The following GPR65 variants were observed in gnomAD, a reference collection of about 807,000 sequenced individuals.
The protein encoded by GPR65 is T-cell death-associated gene 8 protein.
A neutral mutation model predicts 0.7 loss-of-function variants in GPR65; 2 were observed. The ratio of observed to expected loss-of-function variants is 2.83; its 90% CI spans 1.16 to 8.92. GPR65 has a LOEUF of 8.92. Ranked by LOEUF, GPR65 falls within the 30% of genes most tolerant of loss-of-function variation. The pLI is 0.04. For missense variants in GPR65, 379 were observed against 399.4 expected, an observed-to-expected ratio of 0.95 and a Z score of 0.43; for synonymous variants, 128 against 146.5, an observed-to-expected ratio of 0.87 and a Z score of 0.91.
Position 88,013,954 on chromosome 14 carries a change from G to A in GPR65, c.*2093G>A, listed in dbSNP as rs1887727476. 2 of 152,118 alleles carry A rather than the reference G, an allele frequency of 1.3e-5. No individual in the cohort carries two copies. Among genetic ancestry groups the A allele is most frequent in the African/African-American group, 2.4e-5 (1 of 41,390 alleles). The allele number at this position is 152,118 out of a possible 1,614,324, so 9.4% of individuals were successfully genotyped here. On this transcript the variant is annotated 3_prime_UTR_variant, in exon 2 of 2. Coordinates refer to ENST00000267549, the MANE Select transcript of GPR65 (RefSeq NM_003608.4). Reference sequence around the variant, plus strand: ...ACTAGGTGACGATCGTGTTCTGTACGGGACCTCTTATTAATAGTTCACCAC... The same window carrying A: ...ACTAGGTGACGATCGTGTTCTGTACAGGACCTCTTATTAATAGTTCACCAC...
At chr14:88,010,060 CAAAT>C (rs1567029755) in intron 1 of GPR65, among the ~76,000 whole-genome samples, 1 of 152,156 alleles carries the variant, frequency 6.6e-6, no homozygotes. Context: ...CAATCACAGA[CAAAT>C]AACAGAATTT....
At chr14:88,008,149 A>G (rs1248326258) in intron 1 of GPR65, among the ~76,000 whole-genome samples, 1 of 152,050 alleles carries the variant, frequency 6.6e-6, no homozygotes, top group Non-Finnish European at 1.5e-5. Context: ...TTTTGATTCC[A>G]CTTTTTAATG....
In GPR65 at chr14:88,012,588, T is replaced by C. The variant is rs1306814452; in HGVS notation, c.*727T>C. The C allele has an allele frequency of 1.3e-5, 2 of 152,244 alleles. No individual in the cohort carries two copies. The highest frequency in any genetic ancestry group is 3.8e-4 in the East Asian group (2 of 5,204). 9.4% of individuals were successfully genotyped at this position (152,244 alleles called of 1,614,324 possible). A position where few individuals can be genotyped will look rare whatever the true frequency, so the allele number is the denominator to read the frequency against. On this transcript the variant is annotated 3_prime_UTR_variant, in exon 2 of 2. Transcript: ENST00000267549. ...TGAACATTTCATATAAATAGAATTA[T>C]ACAATATGTGGCCTACTGTGACGTA...
chr14:88,007,148 C>A (rs144622364), intron 1 of GPR65, among the ~76,000 whole-genome samples: 42 of 152,196 alleles, frequency 2.8e-4, no homozygotes, highest in Non-Finnish European at 5.1e-4. Context: ...TGGTGAACTG[C>A]AATTTTATTG....
Position 88,012,557 on chromosome 14 carries a change from T to C in GPR65, c.*696T>C, listed in dbSNP as rs1054850111. The C allele has an allele frequency of 6.6e-6, 1 of 152,240 alleles. No individual in the cohort carries two copies. The highest frequency in any genetic ancestry group is 1.5e-5 in the Non-Finnish European group (1 of 68,050). 9.4% of individuals were successfully genotyped at this position (152,240 alleles called of 1,614,324 possible). A position where few individuals can be genotyped will look rare whatever the true frequency, so the allele number is the denominator to read the frequency against. On this transcript the variant is annotated 3_prime_UTR_variant, in exon 2 of 2. Coordinates refer to ENST00000267549, the MANE Select transcript of GPR65 (RefSeq NM_003608.4). ...TACTTTCTGTCTCTAAGGATTTTCATTACTCTGAACATTTCATATAAATAG... is the reference window on the plus strand; with the variant it reads ...TACTTTCTGTCTCTAAGGATTTTCACTACTCTGAACATTTCATATAAATAG...
Position 88,011,078 on chromosome 14 carries a change from A to C in GPR65, c.231A>C (p.Lys77Asn). 1 of 1,613,874 alleles carries C rather than the reference A, an allele frequency of 6.2e-7. No homozygotes were observed. Among genetic ancestry groups the C allele is most frequent in the Non-Finnish European group, 8.5e-7 (1 of 1,179,762 alleles). ...LPLWIDYTWN[K>N]DNWTFSPALC... Reference sequence around the variant, plus strand: ...TATGGATTGATTATACCTGGAATAAAGACAACTGGACTTTCTCTCCTGCCT... The same window carrying C: ...TATGGATTGATTATACCTGGAATAACGACAACTGGACTTTCTCTCCTGCCT... Residue 77 changes from lysine to asparagine, a missense_variant, in exon 2 of 2, where the codon AAA (lysine) becomes AAC (asparagine). Coordinates refer to ENST00000267549, the MANE Select transcript of GPR65 (RefSeq NM_003608.4).
chr14:88,010,744 T>G lies in GPR65; in HGVS notation c.-104T>G, dbSNP rs1595254954. ...CAACAAAGAAAAATTGAAAAAGAATTCTCAGTAAAAGCGAATTCGATGTTC... is the reference window on the plus strand; with the variant it reads ...CAACAAAGAAAAATTGAAAAAGAATGCTCAGTAAAAGCGAATTCGATGTTC... On this transcript the variant is annotated 5_prime_UTR_variant, in exon 2 of 2. The change creates a new upstream start codon in the 5' untranslated region. Transcript: ENST00000267549. The G allele has an allele frequency of 2.7e-6, 2 of 731,154 alleles. No individual in the cohort carries two copies. The highest frequency in any genetic ancestry group is 2.6e-5 in the East Asian group (1 of 38,680). The allele number at this position is 731,154 out of a possible 1,614,324, so 45.3% of individuals were successfully genotyped here. A position where few individuals can be genotyped will look rare whatever the true frequency, so the allele number is the denominator to read the frequency against.
chr14:88,011,196 G>T lies in GPR65; in HGVS notation c.349G>T (p.Val117Phe). 1 of 1,613,804 alleles carries T rather than the reference G, an allele frequency of 6.2e-7. No homozygotes were observed. The highest frequency in any genetic ancestry group is 2.2e-5 in the East Asian group (1 of 44,880). ...TGCCGTTGATCGGTATTTGGCTGTT[G>T]TCTACCCTTTGAAGTTTTTTTTCCT... ...CIAVDRYLAV[V>F]YPLKFFFLRT... Residue 117 changes from valine to phenylalanine, a missense_variant, in exon 2 of 2, where the codon GTC becomes TTC. By Grantham distance (50) the Val-to-Phe change is conservative. Transcript: ENST00000267549.
At position 88,011,954 on chromosome 14, in the gene GPR65, G is replaced by T; in HGVS notation, c.*93G>T. The T allele has an allele frequency of 1.1e-6, 1 of 881,992 alleles. No homozygotes were observed. The highest frequency in any genetic ancestry group is 1.8e-6 in the Non-Finnish European group (1 of 565,196). The allele number at this position is 881,992 out of a possible 1,614,324, so 54.6% of individuals were successfully genotyped here. ...TGAAAAGGAAATCTAGCATGTGAGG[G>T]GACTAAGTGTTCTCAGAGTGATGTT... is the stretch of plus-strand genomic sequence containing the variant. On this transcript the variant is annotated 3_prime_UTR_variant, in exon 2 of 2. Coordinates refer to ENST00000267549, the MANE Select transcript of GPR65 (RefSeq NM_003608.4).
chr14:88,011,755 ATATAT>A lies in GPR65; in HGVS notation c.911_915del (p.Ile304LysfsTer8), dbSNP rs775161260. On this transcript the variant is annotated frameshift_variant, in exon 2 of 2. Coordinates refer to ENST00000267549, the MANE Select transcript of GPR65 (RefSeq NM_003608.4). LOFTEE classifies it low-confidence loss of function (END_TRUNC). Reference sequence around the variant, plus strand: ...GAAACAGGAAGATATGATATGTGGAATATATTAAAATTCTGCACTGGGAGGTGTAA... The same window carrying A: ...GAAACAGGAAGATATGATATGTGGAATAAAATTCTGCACTGGGAGGTGTAA... The A allele has an allele frequency of 6.2e-7, 1 of 1,612,404 alleles. No individual in the cohort carries two copies. Among genetic ancestry groups the A allele is most frequent in the East Asian group, 2.2e-5 (1 of 44,882 alleles).
At chr14:88,009,562 A>G (rs1887643224) in intron 1 of GPR65, among the ~76,000 whole-genome samples, 1 of 152,104 alleles carries the variant, frequency 6.6e-6, no homozygotes, top group Non-Finnish European at 1.5e-5. Context: ...CTGTGAAGGT[A>G]TTCACCATGT....
intron 1 of GPR65, among the ~76,000 whole-genome samples, chr14:88,007,996 T>C (rs1887620670): frequency 6.6e-6 from 1 of 152,162 alleles, no homozygotes; most frequent in Non-Finnish European, 1.5e-5. Flanking sequence ...AGGTAAATTA[T>C]TTATTTATTG....
chr14:88,007,681 G>GTT (rs1247303151), intron 1 of GPR65, among the ~76,000 whole-genome samples: 1 of 149,048 alleles, frequency 6.7e-6, no homozygotes, highest in Admixed American at 6.7e-5. Context: ...CATATTTTGT[G>GTT]TTTTTTATAT....
In GPR65 at chr14:88,011,148, A is replaced by G. The variant is rs780853135; in HGVS notation, c.301A>G (p.Ser101Gly). The change falls in exon 2 of 2, where the codon AGC becomes GGC. Residue 101 changes from serine (S) to glycine (G), a missense_variant. Ser to Gly is a moderately conservative substitution (Grantham distance 56). Coordinates refer to ENST00000267549, the MANE Select transcript of GPR65 (RefSeq NM_003608.4). ...TCTCATGTACATGAATTTTTACAGC[A>G]GCACAGCATTCCTCACCTGCATTGC... ...AFLMYMNFYS[S>G]TAFLTCIAVD... The G allele has an allele frequency of 8.5e-5, 137 of 1,613,918 alleles. 3 individuals are homozygous for G. The Middle Eastern group carries it at 9.9e-4, about 12-fold the overall frequency.
rs958156596 is a variant in GPR65, at chr14:88,013,451, T to A, written c.*1590T>A. 4 of 152,224 alleles carry A rather than the reference T, an allele frequency of 2.6e-5. No individual in the cohort carries two copies. Among genetic ancestry groups the A allele is most frequent in the Non-Finnish European group, 5.9e-5 (4 of 68,028 alleles). The allele number at this position is 152,224 out of a possible 1,614,324, so 9.4% of individuals were successfully genotyped here. On this transcript the variant is annotated 3_prime_UTR_variant, in exon 2 of 2. Transcript: ENST00000267549. ...AACATTTTCCTCACCAAAATATTTT[T>A]AAGGATTTTTCTACCCTTCTCCTTT...
Position 88,005,199 on chromosome 14 carries a change from A to G in GPR65, c.-483A>G, listed in dbSNP as rs2139779657. On this transcript the variant is annotated 5_prime_UTR_variant, in exon 1 of 2. Transcript: ENST00000267549. ...GATTTATCAAGCTCCTCAGTCAACA[A>G]ACACATCACCGGAAGAAATATGGGT... 1 of 152,440 alleles carries G rather than the reference A, an allele frequency of 6.6e-6. No homozygotes were observed. Among genetic ancestry groups the G allele is most frequent in the East Asian group, 1.9e-4 (1 of 5,330 alleles). 9.4% of individuals were successfully genotyped at this position (152,440 alleles called of 1,614,324 possible).
In GPR65 at chr14:88,013,940, A is replaced by T; in HGVS notation, c.*2079A>T. ...TTTTGTTTGTGGCCACTAGGTGACG[A>T]TCGTGTTCTGTACGGGACCTCTTAT... On this transcript the variant is annotated 3_prime_UTR_variant, in exon 2 of 2. Transcript: ENST00000267549. 1 of 152,172 alleles carries T rather than the reference A, an allele frequency of 6.6e-6. No homozygotes were observed. The highest frequency in any genetic ancestry group is 1.9e-4 in the East Asian group (1 of 5,196). 9.4% of individuals were successfully genotyped at this position (152,172 alleles called of 1,614,324 possible).
intron 1 of GPR65, among the ~76,000 whole-genome samples, chr14:88,008,096 ATGTT>A (rs1387223983): frequency 1.3e-5 from 2 of 152,154 alleles, no homozygotes; most frequent in African/African-American, 4.8e-5. Flanking sequence ...GGTAAAACAG[ATGTT>A]TGTTTGTCAA....
Position 88,011,210 on chromosome 14 carries a change from G to GT in GPR65, c.371dup (p.Leu125ProfsTer30), listed in dbSNP as rs770829884. The GT allele has an allele frequency of 4.3e-6, 7 of 1,613,330 alleles. No homozygotes were observed. Among genetic ancestry groups the GT allele is most frequent in the Non-Finnish European group, 5.1e-6 (6 of 1,179,774 alleles). On this transcript the variant is annotated frameshift_variant, in exon 2 of 2. Coordinates refer to ENST00000267549, the MANE Select transcript of GPR65 (RefSeq NM_003608.4). LOFTEE classifies it low-confidence loss of function (END_TRUNC). ...ATTTGGCTGTTGTCTACCCTTTGAAGTTTTTTTTCCTAAGGACAAGAAGAT... is the reference window on the plus strand; with the variant it reads ...ATTTGGCTGTTGTCTACCCTTTGAAGTTTTTTTTTCCTAAGGACAAGAAGAT...
Sources: allele counts gnomAD v4.1 joint callset (sites outside exome capture counted in the v4.1 genomes callset), GRCh38; gene constraint gnomAD v4.1.1; transcripts MANE v1.5; gene names NCBI Gene and HGNC (gene_info 2026-07-23, HGNC 2026-07-21).